Variants in CTNNA2 observed in about 807,000 individuals in gnomAD.
The protein encoded by CTNNA2 is catenin alpha 2.
Under a neutral mutation model 101.0 loss-of-function variants are expected in CTNNA2, and 42 were observed. That is an observed-to-expected ratio of 0.42 (90% CI 0.32 to 0.54). The LOEUF (loss-of-function observed/expected upper bound fraction) is 0.54, where lower values mean the gene tolerates loss of function less well. Ranked by LOEUF, CTNNA2 falls within the 20% of genes least tolerant of loss-of-function variation. CTNNA2 has a pLI of 0.14. For missense variants in CTNNA2, 871 were observed against 1,223.1 expected, an observed-to-expected ratio of 0.71 and a Z score of 4.29; for synonymous variants, 450 against 456.4, an observed-to-expected ratio of 0.99 and a Z score of 0.18.
At chr2:80,534,577 C>G (rs571658404) in intron 9 of CTNNA2, among the ~76,000 whole-genome samples, 2 of 152,252 alleles carry the variant, frequency 1.3e-5, no homozygotes, top group African/African-American at 4.8e-5. Context: ...AGAATTCAGT[C>G]TAGCTGGGAA....
At chr2:79,588,794 G>T (rs1326274308) in intron 1 of CTNNA2, among the ~76,000 whole-genome samples, 1 of 152,150 alleles carries the variant, frequency 6.6e-6, no homozygotes, top group Non-Finnish European at 1.5e-5. Flanking sequence ...ATAGGGTTAA[G>T]ATTGACACAC....
In CTNNA2 at chr2:79,708,908, C is replaced by T. The variant is rs79734139; in HGVS notation, c.103-35479C>T. Among the ~76,000 whole-genome samples the T allele has an allele frequency of 5.0e-3, 764 of 152,250 alleles. 7 individuals are homozygous for T. The highest frequency in any genetic ancestry group is 0.018 in the African/African-American group (728 of 41,550). ...CAGCCTTCCTGGCCAGAGATAATAACGTACTACTTAACCTTGTACAAAATC... is the reference window on the plus strand; with the variant it reads ...CAGCCTTCCTGGCCAGAGATAATAATGTACTACTTAACCTTGTACAAAATC... On this transcript the variant is annotated intron_variant, in intron 2 of 18. Transcript: ENST00000402739.
rs1682831938 is a variant in CTNNA2 at position 79,874,319 on chromosome 2, G to T, written c.829G>T (p.Ala277Ser). 6.2e-7 allele frequency: 1 copy of T among 1,614,048 alleles called. No individual in the cohort carries two copies. Among genetic ancestry groups the T allele is most frequent in the Non-Finnish European group, 8.5e-7 (1 of 1,180,016 alleles). The change falls in exon 6 of 19, where the codon GCT becomes TCT. Residue 277 changes from alanine (A) to serine (S), a missense_variant. Transcript: ENST00000402739. ...GGGCCACACGGGCATCGGCGAGCTG[G>T]CTGCGGCTCTTAATGAGTTTGACGT... ...AKGHTGIGEL[A>S]AALNEFDNKI...
intron 7 of CTNNA2, among the ~76,000 whole-genome samples, chr2:80,086,970 C>T (rs547796135): frequency 6.6e-6 from 1 of 151,978 alleles, no homozygotes; most frequent in African/African-American, 2.4e-5. Context: ...CCAGATGATG[C>T]TTTGAGGATT....
At chr2:79,836,273 G>A (rs992763354) in intron 3 of CTNNA2, among the ~76,000 whole-genome samples, 15 of 152,142 alleles carry the variant, frequency 9.9e-5, no homozygotes, top group African/African-American at 3.4e-4. Context: ...GACGCTTGAT[G>A]TTCTGGAAAG....
intron 7 of CTNNA2, among the ~76,000 whole-genome samples, chr2:80,058,753 A>G (rs1697389854): frequency 6.6e-6 from 1 of 152,092 alleles, no homozygotes; most frequent in African/African-American, 2.4e-5. Flanking sequence ...CGCAAATGCA[A>G]CCGCAACCAC....
intron 7 of CTNNA2, among the ~76,000 whole-genome samples, chr2:80,108,884 C>T (rs1701043911): frequency 6.9e-6 from 1 of 145,650 alleles, no homozygotes; most frequent in African/African-American, 2.6e-5. Context: ...AGGTACTGCT[C>T]CCAAGGGTGT....
chr2:79,425,853 C>G (rs1329970989), intron 4 of CTNNA2, among the ~76,000 whole-genome samples: 1 of 152,124 alleles, frequency 6.6e-6, no homozygotes, highest in Admixed American at 6.6e-5. Context: ...AGATGTTTAT[C>G]TTTTTTGATA....
At chr2:79,850,648 G>T (rs945746786) in intron 3 of CTNNA2, among the ~76,000 whole-genome samples, 3 of 152,156 alleles carry the variant, frequency 2.0e-5, no homozygotes, top group Non-Finnish European at 4.4e-5. Flanking sequence ...GACAGATTTT[G>T]AATGCCTACT....
intron 9 of CTNNA2, among the ~76,000 whole-genome samples, chr2:80,466,889 T>C (rs146670072): frequency 9.8e-5 from 15 of 152,352 alleles, no homozygotes; most frequent in African/African-American, 2.9e-4. Context: ...ATTGTTCTAA[T>C]AAATCATCAG....
At chr2:80,272,040 T>C (rs1471765532) in intron 7 of CTNNA2, among the ~76,000 whole-genome samples, 4 of 152,228 alleles carry the variant, frequency 2.6e-5, no homozygotes, top group African/African-American at 9.6e-5. Flanking sequence ...AAACACTTTT[T>C]GAAACAGAGC....
At chr2:79,918,033 G>A (rs2104366451) in intron 7 of CTNNA2, among the ~76,000 whole-genome samples, 1 of 152,290 alleles carries the variant, frequency 6.6e-6, no homozygotes, top group African/African-American at 2.4e-5. Flanking sequence ...TCAAGTGGGG[G>A]ACTTAGGTCC....
At chr2:80,448,724 C>T (rs1548061) in intron 9 of CTNNA2, among the ~76,000 whole-genome samples, 14,375 of 152,074 alleles carry the variant, frequency 0.095, 1,851 homozygotes, top group African/African-American at 0.29. Context: ...CAGGGTTATG[C>T]TCTTAGTAGG....
At chr2:79,745,851 G>A (rs1002288214) in intron 3 of CTNNA2, among the ~76,000 whole-genome samples, 9 of 152,264 alleles carry the variant, frequency 5.9e-5, no homozygotes, top group Admixed American at 5.9e-4. Flanking sequence ...TGGGAATAAT[G>A]CTGCTATGAA....
At chr2:80,169,044 G>A (rs1463540553) in intron 7 of CTNNA2, among the ~76,000 whole-genome samples, 1 of 152,186 alleles carries the variant, frequency 6.6e-6, no homozygotes, top group African/African-American at 2.4e-5. Flanking sequence ...CATGGGCCAC[G>A]GGGCCTGACC....
At chr2:79,690,803 GT>G (rs1684243694) in intron 2 of CTNNA2, among the ~76,000 whole-genome samples, 1 of 151,884 alleles carries the variant, frequency 6.6e-6, no homozygotes, top group African/African-American at 2.4e-5. Flanking sequence ...CATCACACTT[GT>G]TTCTTGAATT....
chr2:79,255,280 T>C (rs144906241), intron 2 of CTNNA2, among the ~76,000 whole-genome samples: 22 of 152,318 alleles, frequency 1.4e-4, no homozygotes, highest in African/African-American at 5.3e-4. Flanking sequence ...ATGATTCTTG[T>C]TTATGACTTT....
chr2:80,006,702 G>T lies in CTNNA2; in HGVS notation c.1056+96905G>T, dbSNP rs933372892. 2.0e-5 allele frequency among the ~76,000 whole-genome samples: 3 copies of T among 152,280 alleles called. No individual in the cohort carries two copies. In the East Asian group the frequency reaches 5.8e-4, roughly 29 times the overall value. ...TTCCAGGATGGGTGTGGATGCTGAG[G>T]CTGGGTTAGTGTTCTTCTTGTGGGC... On this transcript the variant is annotated intron_variant, in intron 7 of 18. Transcript: ENST00000402739.
intron 18 of CTNNA2, among the ~76,000 whole-genome samples, chr2:80,637,650 C>T (rs986893264): frequency 7.9e-5 from 12 of 152,018 alleles, no homozygotes; most frequent in Non-Finnish European, 1.5e-4. Flanking sequence ...TTTCCATACA[C>T]CTGATGAGGA....
Sources: gnomAD v4.1 joint callset for allele counts (sites outside exome capture counted in the v4.1 genomes callset) on GRCh38, gnomAD v4.1.1 for gene constraint, MANE v1.5 for transcripts, NCBI Gene and HGNC (gene_info 2026-07-23, HGNC 2026-07-21) for gene names.